TBC1D21: variants seen among roughly 807,000 people sequenced by gnomAD.
The protein encoded by TBC1D21 is male germ cell Rab GTPase-activating protein.
In TBC1D21, 38 loss-of-function variants were observed where a neutral mutation model predicts 46.0. The observed-to-expected ratio is 0.83, with a 90% CI of 0.64 to 1.08. TBC1D21 has a LOEUF of 1.08. Ranked by LOEUF, TBC1D21 falls within the 50% of genes least tolerant of loss-of-function variation. TBC1D21 has a pLI of 0.00. For missense variants in TBC1D21, 415 were observed against 417.9 expected, an observed-to-expected ratio of 0.99 and a Z score of 0.06; for synonymous variants, 151 against 157.2, an observed-to-expected ratio of 0.96 and a Z score of 0.29.
At position 73,889,077 on chromosome 15, in the gene TBC1D21, G is replaced by A; in HGVS notation, c.987G>A (p.Gln329=). 6.2e-7 allele frequency: 1 copy of A among 1,613,440 alleles called. No individual in the cohort carries two copies. Among genetic ancestry groups the A allele is most frequent in the African/African-American group, 1.3e-5 (1 of 75,044 alleles). The change falls in exon 11 of 11, where the codon CAG becomes CAA. Residue 329 remains glutamine, a synonymous_variant. Transcript: ENST00000300504. ...YAELIQKDVP[Q]TLKDFFL ...ACCTGCCTCCTCCCTAGGTTCCTCA[G>A]ACATTAAAGGATTTCTTCCTCTGAG...
At chr15:73,898,880 A>AAAAATATATAT in the TBC1D21 span, among the ~76,000 whole-genome samples, 2 of 56,804 alleles carry the variant, frequency 3.5e-5, no homozygotes, top group African/African-American at 1.1e-4. Flanking sequence ...AAAAAAAAAA[A>AAAAATATATAT]ATATATATAT....
At chr15:73,888,942 C>T in intron 10 of TBC1D21, 127 bp from the exon 11 acceptor site, 3 of 1,107,218 alleles carry the variant, frequency 2.7e-6, no homozygotes, top group South Asian at 2.7e-5. Flanking sequence ...CCTCATCCCC[C>T]ATTCCCTGTG....
intron 1 of TBC1D21, among the ~76,000 whole-genome samples, chr15:73,880,273 T>A (rs2068130391): frequency 6.7e-6 from 1 of 150,108 alleles, no homozygotes; most frequent in Non-Finnish European, 1.5e-5. Flanking sequence ...CACACACACA[T>A]GTTCACATAC....
chr15:73,895,750 G>T, the TBC1D21 span, among the ~76,000 whole-genome samples: 1 of 152,172 alleles, frequency 6.6e-6, no homozygotes, highest in Non-Finnish European at 1.5e-5. Context: ...GGACTGAATT[G>T]TCTCCTGTCA....
chr15:73,894,303 C>T, the TBC1D21 span, among the ~76,000 whole-genome samples: 2 of 152,244 alleles, frequency 1.3e-5, no homozygotes, highest in Admixed American at 1.3e-4. Context: ...CCTCATCTCA[C>T]AGGCCACCCC....
At chr15:73,894,586 G>A in the TBC1D21 span, among the ~76,000 whole-genome samples, 19 of 152,210 alleles carry the variant, frequency 1.2e-4, no homozygotes, top group African/African-American at 4.6e-4. Flanking sequence ...GTGAGTGTGG[G>A]GACCCAAGAT....
chr15:73,900,798 G>A, the TBC1D21 span, among the ~76,000 whole-genome samples: 1 of 152,332 alleles, frequency 6.6e-6, no homozygotes, highest in East Asian at 1.9e-4. Flanking sequence ...ACAGGGTAGC[G>A]AAGAGGCATC....
At chr15:73,894,842 C>T in the TBC1D21 span, among the ~76,000 whole-genome samples, 1 of 152,158 alleles carries the variant, frequency 6.6e-6, no homozygotes, top group South Asian at 2.1e-4. Flanking sequence ...GTGCCAAGTG[C>T]CATCAGCCAC....
chr15:73,889,340 G>T (rs760880774), downstream of TBC1D21: 16 of 517,994 alleles, frequency 3.1e-5, no homozygotes, highest in Non-Finnish European at 3.5e-6. Flanking sequence ...TAGGGAGGGT[G>T]CTTGCTGGAA....
Position 73,888,695 on chromosome 15 carries a change from C to G in TBC1D21, c.978+182C>G, listed in dbSNP as rs972179127. Among the ~76,000 whole-genome samples the G allele has an allele frequency of 2.0e-5, 3 of 147,378 alleles. No individual in the cohort carries two copies. In the South Asian group the frequency reaches 6.5e-4, roughly 32 times the overall value. ...TCTTCCTCCTCCTCCTCTTCCTCCTCGTACTCCTCCTCTTCTTCCTTCTCC... is the reference window on the plus strand; with the variant it reads ...TCTTCCTCCTCCTCCTCTTCCTCCTGGTACTCCTCCTCTTCTTCCTTCTCC... On this transcript the variant is annotated intron_variant, in intron 10 of 10. Coordinates refer to ENST00000300504, the MANE Select transcript of TBC1D21 (RefSeq NM_153356.3).
rs569820964 is a variant in TBC1D21 at position 73,886,518 on chromosome 15, A to G, written c.683A>G (p.Lys228Arg). 4.3e-6 allele frequency: 7 copies of G among 1,613,628 alleles called. No individual in the cohort carries two copies. In the African/African-American group the frequency reaches 5.3e-5, roughly 12 times the overall value. ...TCACCTTCTCTCCCCACAGAAGGGAAGGGTGCAGGGGCTGTGCAGTCCCTC... is the reference window on the plus strand; with the variant it reads ...TCACCTTCTCTCCCCACAGAAGGGAGGGGTGCAGGGGCTGTGCAGTCCCTC... Reference protein sequence around the residue: ...DPVFAEHLKGKGAGAVQSLFP... With the variant: ...DPVFAEHLKGRGAGAVQSLFP... The change falls in exon 8 of 11, where the codon AAG becomes AGG. Residue 228 changes from lysine to arginine, a missense_variant. By Grantham distance (26) the Lys-to-Arg change is conservative. Coordinates refer to ENST00000300504, the MANE Select transcript of TBC1D21 (RefSeq NM_153356.3).
At chr15:73,887,574 G>T (rs1301859608) in intron 8 of TBC1D21, 46 bp from the exon 9 acceptor site, 5 of 1,549,870 alleles carry the variant, frequency 3.2e-6, no homozygotes, top group Admixed American at 1.7e-5. Flanking sequence ...CAGGGCATCT[G>T]CAGTCTCAGA....
chr15:73,906,052 T>C, the TBC1D21 span, among the ~76,000 whole-genome samples: 2 of 152,204 alleles, frequency 1.3e-5, no homozygotes, highest in Non-Finnish European at 2.9e-5. Flanking sequence ...GCAGGGTGGA[T>C]GGGATGGGCA....
downstream of TBC1D21, among the ~76,000 whole-genome samples, chr15:73,893,197 T>C (rs555769336): frequency 6.6e-6 from 1 of 152,190 alleles, no homozygotes; most frequent in South Asian, 2.1e-4. Context: ...GGGATTGCAG[T>C]GGGGAGGGCT....
chr15:73,889,827 GA>G (rs1426448065), downstream of TBC1D21, among the ~76,000 whole-genome samples: 2 of 152,224 alleles, frequency 1.3e-5, no homozygotes, highest in Non-Finnish European at 2.9e-5. Context: ...GCTCTGTGAG[GA>G]AAAGGTGCAT....
intron 3 of TBC1D21, 117 bp from the exon 4 acceptor site, chr15:73,884,034 T>C: frequency 1.2e-6 from 1 of 812,948 alleles, no homozygotes; most frequent in Non-Finnish European, 2.1e-6. Context: ...GTAGGGTGCA[T>C]GGCTGGGTGA....
At chr15:73,894,613 G>T in the TBC1D21 span, among the ~76,000 whole-genome samples, 2 of 152,148 alleles carry the variant, frequency 1.3e-5, no homozygotes, top group African/African-American at 4.8e-5. Flanking sequence ...GGCAGGTCCC[G>T]CATGGAAGCA....
chr15:73,889,338 G>T, downstream of TBC1D21: 2 of 519,810 alleles, frequency 3.8e-6, no homozygotes, highest in East Asian at 3.5e-5. Context: ...ACTAGGGAGG[G>T]TGCTTGCTGG....
the TBC1D21 span, chr15:73,908,440 G>A: frequency 6.6e-6 from 1 of 152,428 alleles, no homozygotes; most frequent in Non-Finnish European, 1.5e-5. Context: ...CCAGGCCTGG[G>A]CCATGCTTGT....
Sources: allele counts gnomAD v4.1 joint callset (sites outside exome capture counted in the v4.1 genomes callset), GRCh38; gene constraint gnomAD v4.1.1; transcripts MANE v1.5; gene names NCBI Gene and HGNC (gene_info 2026-07-23, HGNC 2026-07-21).